TSHZ2: variants seen among roughly 807,000 people sequenced by gnomAD.
TSHZ2 encodes the protein teashirt zinc finger homeobox 2.
In TSHZ2, 21 loss-of-function variants were observed where a neutral mutation model predicts 74.4. That is an observed-to-expected ratio of 0.28 (90% CI 0.20 to 0.41). TSHZ2 has a LOEUF of 0.41. TSHZ2 is among the 10% of genes least tolerant of loss of function. The probability of loss-of-function intolerance (pLI) is 1.00; values close to 1 mark genes in which losing one functional copy is unlikely to be tolerated. For synonymous variants in TSHZ2, 540 were observed against 515.3 expected, an observed-to-expected ratio of 1.05 and a Z score of -0.65; for missense variants, 1,244 against 1,293.5, an observed-to-expected ratio of 0.96 and a Z score of 0.59.
In TSHZ2 at chr20:53,133,960, AT is replaced by A. The variant is rs756672325; in HGVS notation, c.41-119533del. ...TGCATTCTTTGATAGATTTTTTACC[AT>A]TTTTTCTGAAAAAAAAAAAAAAATA... On this transcript the variant is annotated intron_variant, in intron 1 of 2. Coordinates refer to ENST00000371497, the MANE Select transcript of TSHZ2 (RefSeq NM_173485.6). 1.3e-3 allele frequency among the ~76,000 whole-genome samples: 139 copies of A among 107,804 alleles called. 1 individual carries two copies. The highest frequency in any genetic ancestry group is 2.1e-3 in the Non-Finnish European group (106 of 50,956). 70.7% of individuals were successfully genotyped at this position (107,804 alleles called of 152,430 possible).
chr20:53,205,855 C>T (rs765609929), intron 1 of TSHZ2, among the ~76,000 whole-genome samples: 4 of 152,164 alleles, frequency 2.6e-5, no homozygotes, highest in Non-Finnish European at 5.9e-5. Context: ...GATCGTGATG[C>T]TATAACTTAT....
At chr20:53,066,257 C>T (rs987794815) in intron 1 of TSHZ2, among the ~76,000 whole-genome samples, 5 of 148,508 alleles carry the variant, frequency 3.4e-5, no homozygotes, top group Non-Finnish European at 6.0e-5. Context: ...CTCCGACCCC[C>T]GACTCCACTC....
At chr20:53,120,990 CT>C (rs929591231) in intron 1 of TSHZ2, among the ~76,000 whole-genome samples, 5 of 149,626 alleles carry the variant, frequency 3.3e-5, no homozygotes, top group Admixed American at 1.3e-4. Flanking sequence ...CAAATGGCCT[CT>C]TTTTTTTTTC....
At chr20:53,119,514 T>C (rs1416917365) in intron 1 of TSHZ2, among the ~76,000 whole-genome samples, 1 of 152,184 alleles carries the variant, frequency 6.6e-6, no homozygotes, top group African/African-American at 2.4e-5. Flanking sequence ...CTGCCCAGCA[T>C]GGTAACGATG....
intron 1 of TSHZ2, among the ~76,000 whole-genome samples, chr20:53,161,153 A>AAT (rs1987928228): frequency 2.0e-5 from 3 of 150,052 alleles, no homozygotes; most frequent in Middle Eastern, 6.9e-3. Flanking sequence ...AAAAAAAAAA[A>AAT]TAGGAGGTAA....
intron 1 of TSHZ2, among the ~76,000 whole-genome samples, chr20:53,186,767 C>T (rs1022519703): frequency 7.9e-5 from 12 of 152,072 alleles, no homozygotes; most frequent in Non-Finnish European, 1.0e-4. Flanking sequence ...TACAACCACA[C>T]GGGGGAGGGA....
At chr20:53,051,380 T>A (rs959968628) in intron 1 of TSHZ2, among the ~76,000 whole-genome samples, 4 of 152,078 alleles carry the variant, frequency 2.6e-5, no homozygotes, top group African/African-American at 7.2e-5. Context: ...GAGGAATGAA[T>A]GTATTTTGGT....
At chr20:53,236,317 T>C (rs1399204369) in intron 1 of TSHZ2, among the ~76,000 whole-genome samples, 2 of 152,232 alleles carry the variant, frequency 1.3e-5, no homozygotes, top group Non-Finnish European at 2.9e-5. Flanking sequence ...CCAGTAGGTT[T>C]ATTATGTTTG....
chr20:53,183,826 A>T (rs1053476567), intron 1 of TSHZ2, among the ~76,000 whole-genome samples: 1 of 152,212 alleles, frequency 6.6e-6, no homozygotes, highest in Non-Finnish European at 1.5e-5. Flanking sequence ...AGTAGCCAGG[A>T]TGGGTCAACC....
intron 2 of TSHZ2, among the ~76,000 whole-genome samples, chr20:53,391,151 T>G (rs55838230): frequency 0.018 from 2,692 of 150,972 alleles, 61 homozygotes; most frequent in East Asian, 0.1. Flanking sequence ...TTTTGTTTTG[T>G]TTTGGTTTGG....
chr20:53,005,079 G>A (rs915430933), intron 1 of TSHZ2, among the ~76,000 whole-genome samples: 27 of 152,236 alleles, frequency 1.8e-4, no homozygotes, highest in African/African-American at 4.1e-4. Flanking sequence ...TTGGGAGGCC[G>A]AGGCCAGAGG....
At chr20:53,278,131 A>G (rs942374831) in intron 2 of TSHZ2, among the ~76,000 whole-genome samples, 2 of 152,174 alleles carry the variant, frequency 1.3e-5, no homozygotes, top group Non-Finnish European at 2.9e-5. Context: ...TCCTTATATT[A>G]GCCTTTCTCA....
At chr20:53,139,719 CT>C (rs34868713) in intron 1 of TSHZ2, among the ~76,000 whole-genome samples, 29,115 of 152,170 alleles carry the variant, frequency 0.19, 3,200 homozygotes, top group Admixed American at 0.25. Flanking sequence ...GATGTTTACA[CT>C]CCTAATGATA....
chr20:53,082,649 C>T (rs555255990), intron 1 of TSHZ2, among the ~76,000 whole-genome samples: 2 of 152,306 alleles, frequency 1.3e-5, no homozygotes, highest in East Asian at 1.9e-4. Context: ...ATTCCCTCAC[C>T]GATGCCCTTT....
intron 1 of TSHZ2, among the ~76,000 whole-genome samples, chr20:53,070,713 G>C (rs1020483717): frequency 1.3e-5 from 2 of 152,110 alleles, no homozygotes; most frequent in Non-Finnish European, 2.9e-5. Context: ...GTTTCTGTTA[G>C]GTGTTGTTGC....
rs762900952 is a variant in TSHZ2, at chr20:53,254,019, G to A, written c.561G>A (p.Ser187=). 17 of 1,613,978 alleles carry A rather than the reference G, an allele frequency of 1.1e-5. No individual in the cohort carries two copies. The highest frequency in any genetic ancestry group is 7.7e-5 in the South Asian group (7 of 91,076). The change falls in exon 2 of 3, where the codon TCG becomes TCA. Residue 187 remains serine (S), a synonymous_variant. Transcript: ENST00000371497. The part of the protein sequence containing the change: ...LQQNLPSRSV[S]KPSLFSSVQL... Reference sequence around the variant, plus strand: ...AGAACTTGCCTTCTCGGTCCGTCTCGAAACCCAGCCTGTTCAGCTCGGTGC... The same window carrying A: ...AGAACTTGCCTTCTCGGTCCGTCTCAAAACCCAGCCTGTTCAGCTCGGTGC...
chr20:53,250,570 C>T (rs1013157451), intron 1 of TSHZ2, among the ~76,000 whole-genome samples: 2 of 152,130 alleles, frequency 1.3e-5, no homozygotes, highest in African/African-American at 2.4e-5. Context: ...TTGTATGAGG[C>T]TTTTCAATGC....
chr20:53,258,044 G>C (rs1371997464), intron 2 of TSHZ2, among the ~76,000 whole-genome samples: 1 of 152,164 alleles, frequency 6.6e-6, no homozygotes, highest in South Asian at 2.1e-4. Context: ...TAAAATATCT[G>C]ACCTGGGACT....
intron 1 of TSHZ2, among the ~76,000 whole-genome samples, chr20:53,060,877 C>T (rs6126742): frequency 0.12 from 18,013 of 152,194 alleles, 1,949 homozygotes; most frequent in African/African-American, 0.28. Context: ...GCAGGCCTCT[C>T]TTCCTCAATG....
Sources: allele counts gnomAD v4.1 joint callset (sites outside exome capture counted in the v4.1 genomes callset), GRCh38; gene constraint gnomAD v4.1.1; transcripts MANE v1.5; gene names NCBI Gene and HGNC (gene_info 2026-07-23, HGNC 2026-07-21).